PTCHD1: variants seen among roughly 807,000 people sequenced by gnomAD.
PTCHD1 encodes the protein patched domain containing 1, also known as patched domain-containing protein 1.
PTCHD1 carries 3 observed loss-of-function variants against 34.6 expected under a neutral mutation model. The observed-to-expected ratio is 0.09, with a 90% CI of 0.04 to 0.22. The LOEUF is 0.22. PTCHD1 is among the 10% of genes least tolerant of loss of function. PTCHD1 has a pLI of 1.00. For synonymous variants in PTCHD1, 305 were observed against 283.1 expected (o/e 1.08, Z -0.77); for missense variants, 504 against 685.5 (o/e 0.74, Z 2.96).
rs1017253968 is a variant in PTCHD1 at position 23,396,813 on chromosome X, C to G, written c.*2628C>G. The G allele has an allele frequency of 1.8e-5, 2 of 111,838 alleles. No homozygotes were observed. Among genetic ancestry groups the G allele is most frequent in the Non-Finnish European group, 3.8e-5 (2 of 53,107 alleles). 9.2% of individuals were successfully genotyped at this position (111,838 alleles called of 1,213,427 possible). A position where few individuals can be genotyped will look rare whatever the true frequency, so the allele number is the denominator to read the frequency against. On this transcript the variant is annotated 3_prime_UTR_variant, in exon 3 of 3. Coordinates refer to ENST00000379361, the MANE Select transcript of PTCHD1 (RefSeq NM_173495.3). ...TTTTTCTATTGGGAGATTATGCATG[C>G]CAAGATTTATTATTTATTGTTAGAT... is the stretch of plus-strand genomic sequence containing the variant.
chrX:23,380,995 T>C (rs1187968299), intron 2 of PTCHD1, among the ~76,000 whole-genome samples: 1 of 111,749 alleles, frequency 8.9e-6, no homozygotes, highest in African/African-American at 3.3e-5. Flanking sequence ...GCATGTTGGG[T>C]TGGCACTGAG....
intron 1 of PTCHD1, among the ~76,000 whole-genome samples, chrX:23,362,823 C>G (rs1601908928): frequency 8.9e-6 from 1 of 111,998 alleles, no homozygotes; most frequent in East Asian, 2.8e-4. Flanking sequence ...GTGTGGATAT[C>G]CTTTCTGTTG....
chrX:23,336,778 C>T (rs187221518), intron 1 of PTCHD1, among the ~76,000 whole-genome samples: 3 of 111,797 alleles, frequency 2.7e-5, no homozygotes, highest in Admixed American at 9.4e-5. Context: ...ACTTTAGTGA[C>T]TATATTTTGG....
chrX:23,342,310 ATTTTTT>A (rs1174366015), intron 1 of PTCHD1, among the ~76,000 whole-genome samples: 15 of 12,927 alleles, frequency 1.2e-3, no homozygotes, highest in South Asian at 5.9e-3. Flanking sequence ...ATATATATAT[ATTTTTT>A]TTTTTTTTTT....
chrX:23,355,519 C>T (rs1001241003), intron 1 of PTCHD1, among the ~76,000 whole-genome samples: 1 of 112,879 alleles, frequency 8.9e-6, no homozygotes. Flanking sequence ...AATATAAGCA[C>T]ATCACAGATT....
chrX:23,354,549 A>G (rs1383924647), intron 1 of PTCHD1, among the ~76,000 whole-genome samples: 1 of 103,891 alleles, frequency 9.6e-6, no homozygotes, highest in Non-Finnish European at 2.0e-5. Flanking sequence ...CTAGGCTAGA[A>G]TGGCTTGGGA....
rs1491201668 is a variant in PTCHD1, at chrX:23,394,451, C to CACACACACACACACACACACA, written c.*266_*267insACACACACACACACACACACA. ...ACACACACACACACACACACACACA[C>CACACACACACACACACACACA]CCTGGGAGACCTATAGTCTCTTAAA... is the stretch of plus-strand genomic sequence containing the variant. On this transcript the variant is annotated 3_prime_UTR_variant, in exon 3 of 3. Transcript: ENST00000379361. The CACACACACACACACACACACA allele has an allele frequency of 7.4e-5, 22 of 297,183 alleles. No homozygotes were observed. The highest frequency in any genetic ancestry group is 2.5e-4 in the South Asian group (3 of 12,172). The allele number at this position is 297,183 out of a possible 1,213,427, so 24.5% of individuals were successfully genotyped here.
rs1170882708 is a variant in PTCHD1 at position 23,397,237 on chromosome X, T to C, written c.*3052T>C. 1 of 111,805 alleles carries C rather than the reference T, an allele frequency of 8.9e-6. No homozygotes were observed. The highest frequency in any genetic ancestry group is 9.6e-5 in the Admixed American group (1 of 10,445). The allele number at this position is 111,805 out of a possible 1,213,427, so 9.2% of individuals were successfully genotyped here. A position where few individuals can be genotyped will look rare whatever the true frequency, so the allele number is the denominator to read the frequency against. ...CATTCATAAGGAAAATTTTTAAAAG[T>C]CAAGGTAAGGGTGATATTCTCTCAT... On this transcript the variant is annotated 3_prime_UTR_variant, in exon 3 of 3. Coordinates refer to ENST00000379361, the MANE Select transcript of PTCHD1 (RefSeq NM_173495.3).
rs1428078352 is a variant in PTCHD1, at chrX:23,395,100, T to A, written c.*915T>A. ...GATGGAGCAAAAGCAGGTGTCTACT[T>A]GGACCCAGATATAGTGTCTCCATTT... On this transcript the variant is annotated 3_prime_UTR_variant, in exon 3 of 3. Coordinates refer to ENST00000379361, the MANE Select transcript of PTCHD1 (RefSeq NM_173495.3). 8.9e-6 allele frequency: 1 copy of A among 112,039 alleles called. No homozygotes were observed. Among genetic ancestry groups the A allele is most frequent in the Non-Finnish European group, 1.9e-5 (1 of 53,264 alleles). 9.2% of individuals were successfully genotyped at this position (112,039 alleles called of 1,213,427 possible). A position where few individuals can be genotyped will look rare whatever the true frequency, so the allele number is the denominator to read the frequency against.
At chrX:23,392,156 T>G (rs1397964204) in intron 2 of PTCHD1, among the ~76,000 whole-genome samples, 1 of 101,353 alleles carries the variant, frequency 9.9e-6, no homozygotes, top group East Asian at 3.4e-4. Context: ...GTCATCTTCC[T>G]TCCTCAGTCT....
At chrX:23,391,910 G>C (rs1321301924) in intron 2 of PTCHD1, among the ~76,000 whole-genome samples, 1 of 110,585 alleles carries the variant, frequency 9.0e-6, no homozygotes, top group African/African-American at 3.3e-5. Context: ...AGGCTGGAGT[G>C]CAGTGGCACA....
chrX:23,389,291 C>T (rs1365821408), intron 2 of PTCHD1, among the ~76,000 whole-genome samples: 3 of 111,730 alleles, frequency 2.7e-5, no homozygotes, highest in Non-Finnish European at 3.8e-5. Context: ...TCACCGATGG[C>T]CTTTCCTATA....
intron 2 of PTCHD1, among the ~76,000 whole-genome samples, chrX:23,391,588 G>A (rs1174390522): frequency 9.0e-6 from 1 of 111,234 alleles, no homozygotes; most frequent in Non-Finnish European, 1.9e-5. Flanking sequence ...TTAGTTTCCT[G>A]TCAAGACTCA....
intron 1 of PTCHD1, among the ~76,000 whole-genome samples, chrX:23,337,164 G>A (rs1921190955): frequency 8.9e-6 from 1 of 112,109 alleles, no homozygotes; most frequent in Admixed American, 9.4e-5. Context: ...AGAGACGGAG[G>A]CTTGGTTTGC....
At chrX:23,368,925 G>A (rs909387894) in intron 1 of PTCHD1, among the ~76,000 whole-genome samples, 4 of 110,718 alleles carry the variant, frequency 3.6e-5, no homozygotes, top group African/African-American at 1.3e-4. Flanking sequence ...TTACCCAGAC[G>A]TGGTGGTGAG....
chrX:23,370,958 T>TA (rs766659490), intron 1 of PTCHD1, among the ~76,000 whole-genome samples: 2 of 111,455 alleles, frequency 1.8e-5, no homozygotes, highest in African/African-American at 6.5e-5. Context: ...AATTGTCTGA[T>TA]AGCCCCCTCA....
intron 1 of PTCHD1, among the ~76,000 whole-genome samples, chrX:23,337,868 G>A (rs776732009): frequency 2.7e-5 from 3 of 110,772 alleles, no homozygotes; most frequent in Non-Finnish European, 5.7e-5. Context: ...TTTTGGGATT[G>A]TACCTGTGCA....
At chrX:23,388,042 T>C (rs1209444163) in intron 2 of PTCHD1, among the ~76,000 whole-genome samples, 2 of 110,677 alleles carry the variant, frequency 1.8e-5, no homozygotes, top group Non-Finnish European at 3.8e-5. Flanking sequence ...GATGTGGAGG[T>C]TCCTGATATC....
intron 1 of PTCHD1, among the ~76,000 whole-genome samples, chrX:23,365,128 T>G: frequency 1.8e-5 from 2 of 112,034 alleles, no homozygotes; most frequent in Middle Eastern, 9.2e-3. Context: ...TCAGGCCATC[T>G]ACACTCGTGA....
Sources: gnomAD v4.1 joint callset for allele counts (sites outside exome capture counted in the v4.1 genomes callset) on GRCh38, gnomAD v4.1.1 for gene constraint, MANE v1.5 for transcripts, NCBI Gene and HGNC (gene_info 2026-07-23, HGNC 2026-07-21) for gene names.